The following AP5Z1 variants were observed in gnomAD, a reference collection of about 807,000 sequenced individuals.
AP5Z1 encodes AP-5 complex subunit zeta-1.
In AP5Z1, 106 loss-of-function variants were observed where a neutral mutation model predicts 83.0. The ratio of observed to expected loss-of-function variants is 1.28; its 90% CI spans 1.09 to 1.50. The LOEUF (loss-of-function observed/expected upper bound fraction) is 1.50. Among genes scored for constraint, AP5Z1 ranks in the 40% most tolerant of loss-of-function variants. The pLI is 0.00. For missense variants in AP5Z1, 1,565 were observed against 1,094.2 expected (o/e 1.43, Z -6.07); for synonymous variants, 751 against 514.1 (o/e 1.46, Z -6.23).
intron 1 of AP5Z1, among the ~76,000 whole-genome samples, chr7:4,777,632 G>T (rs374291806): frequency 1.3e-5 from 2 of 152,058 alleles, no homozygotes; most frequent in Non-Finnish European, 2.9e-5. Flanking sequence ...CAGGTGATCC[G>T]CCTGACTCGG....
At chr7:4,785,377 C>G (rs1355693892) in intron 7 of AP5Z1, 38 bp from the exon 8 acceptor site, 2 of 1,608,184 alleles carry the variant, frequency 1.2e-6, no homozygotes, top group Middle Eastern at 1.7e-4. Context: ...CACTCTAAGG[C>G]TGAGACAGAG....
At chr7:4,790,630 C>T (rs1430155055) in intron 15 of AP5Z1, 39 bp downstream of exon 15, 1 of 1,612,372 alleles carries the variant, frequency 6.2e-7, no homozygotes, top group East Asian at 2.2e-5. Context: ...GCTCCTGACC[C>T]AGGAGGCCTG....
rs1449470607 is a variant in AP5Z1 at position 4,790,040 on chromosome 7, C to T, written c.1805+111C>T. On this transcript the variant is annotated intron_variant, in intron 14 of 16. Transcript: ENST00000649063. Reference sequence around the variant, plus strand: ...GGCTTCGGCACCACCCCTAGCTGGGCCCTCAGCAGCCTCAGACCCTGCCAC... The same window carrying T: ...GGCTTCGGCACCACCCCTAGCTGGGTCCTCAGCAGCCTCAGACCCTGCCAC... The T allele has an allele frequency of 6.3e-6, 7 of 1,113,634 alleles. No homozygotes were observed. The South Asian group carries it at 9.8e-5, about 16-fold the overall frequency. The allele number at this position is 1,113,634 out of a possible 1,614,324, so 69.0% of individuals were successfully genotyped here.
Position 4,785,470 on chromosome 7 carries a change from A to AGGGGATGGGAGGC in AP5Z1, c.969+19_969+31dup, listed in dbSNP as rs1562408174. On this transcript the variant is annotated intron_variant, in intron 8 of 16. Coordinates refer to ENST00000649063, the MANE Select transcript of AP5Z1 (RefSeq NM_014855.3). ...AGAAAGCTGTAAGTGGCTGGGGACC[A>AGGGGATGGGAGGC]GGGGATGGGAGGCAGCGACTCGGCC... is the stretch of plus-strand genomic sequence containing the variant. 1.2e-6 allele frequency: 2 copies of AGGGGATGGGAGGC among 1,612,932 alleles called. No homozygotes were observed. Among genetic ancestry groups the AGGGGATGGGAGGC allele is most frequent in the Non-Finnish European group, 1.7e-6 (2 of 1,179,306 alleles).
chr7:4,787,868 G>T (rs929686857), intron 11 of AP5Z1, 92 bp downstream of exon 11: 2 of 1,408,312 alleles, frequency 1.4e-6, no homozygotes, highest in Non-Finnish European at 1.9e-6. Flanking sequence ...CCCCTACACC[G>T]GGGACCCTCC....
At chr7:4,789,758 C>T (rs1042286423) in intron 13 of AP5Z1, 74 bp from the exon 14 acceptor site, 2 of 1,242,512 alleles carry the variant, frequency 1.6e-6, no homozygotes, top group Admixed American at 4.2e-5. Context: ...CCAGCCCTCA[C>T]CATGGCTTCA....
chr7:4,790,351 A>C, intron 14 of AP5Z1, 108 bp from the exon 15 acceptor site: 2 of 1,569,780 alleles, frequency 1.3e-6, no homozygotes, highest in Non-Finnish European at 1.7e-6. Context: ...AGGGTGCAGC[A>C]TACACCTACC....
At chr7:4,778,813 A>G (rs893788277) in intron 1 of AP5Z1, among the ~76,000 whole-genome samples, 2 of 145,376 alleles carry the variant, frequency 1.4e-5, no homozygotes, top group African/African-American at 5.0e-5. Context: ...GTTATATATT[A>G]TATGTTATAT....
chr7:4,788,977 ATTCCCACAGGCCTCACAAC>A (rs1456735357), intron 13 of AP5Z1, 26 bp downstream of exon 13: 4 of 1,591,872 alleles, frequency 2.5e-6, no homozygotes, highest in Non-Finnish European at 3.4e-6. Context: ...GGGGCCCCCC[ATTCCCACAGGCCTCACAAC>A]TGAGGGGCAG....
chr7:4,787,572 C>G (rs1781588330), intron 10 of AP5Z1, 62 bp from the exon 11 acceptor site: 6 of 1,516,130 alleles, frequency 4.0e-6, no homozygotes, highest in Non-Finnish European at 5.3e-6. Flanking sequence ...TAGCTGGCTC[C>G]TCCCTCTGCC....
chr7:4,779,623 G>A (rs1353301392), intron 1 of AP5Z1, among the ~76,000 whole-genome samples: 1 of 151,486 alleles, frequency 6.6e-6, no homozygotes, highest in African/African-American at 2.4e-5. Flanking sequence ...ACCATGCCCA[G>A]TGAATTTTTT....
In AP5Z1 at chr7:4,788,864, G is replaced by GCAGCC; in HGVS notation, c.1623_1627dup (p.Met543SerfsTer27). The GCAGCC allele has an allele frequency of 1.9e-6, 3 of 1,608,842 alleles. No homozygotes were observed. The highest frequency in any genetic ancestry group is 2.5e-6 in the Non-Finnish European group (3 of 1,178,280). On this transcript the variant is annotated frameshift_variant, in exon 13 of 17. Transcript: ENST00000649063. LOFTEE classifies it high-confidence loss of function. The stretch of plus-strand genomic sequence containing the variant: ...GGTTGGCGCCACTCCACCAGCTGCT[G>GCAGCC]CAGCCCATGGCCGGCTGTGCCCGCG...
At position 4,789,930 on chromosome 7, in the gene AP5Z1, G is replaced by T; in HGVS notation, c.1805+1G>T. 6.5e-7 allele frequency: 1 copy of T among 1,536,946 alleles called. No homozygotes were observed. On this transcript the variant is annotated splice_donor_variant, in intron 14 of 16. Coordinates refer to ENST00000649063, the MANE Select transcript of AP5Z1 (RefSeq NM_014855.3). LOFTEE classifies it high-confidence loss of function. ...CAGGGTACGCTGCCGGTGTGCACAG[G>T]TAGGTCCCTCCTGCGCTCCTGCCAC...
chr7:4,787,721 C>G lies in AP5Z1; in HGVS notation c.1399C>G (p.Leu467Val). ...LVDAGTALEM[L>V]HALLDLPCLT... ...GGACGCTGGCACAGCCCTGGAGATG[C>G]TGCACGCGCTGCTGGACCTGCCCTG... The change falls in exon 11 of 17, where the codon CTG becomes GTG. Residue 467 changes from leucine (L) to valine (V), a missense_variant. Coordinates refer to ENST00000649063, the MANE Select transcript of AP5Z1 (RefSeq NM_014855.3). The G allele has an allele frequency of 6.5e-7, 1 of 1,549,006 alleles. No individual in the cohort carries two copies. Among genetic ancestry groups the G allele is most frequent in the Non-Finnish European group, 8.7e-7 (1 of 1,148,740 alleles).
At chr7:4,787,215 G>A (rs942162400) in intron 10 of AP5Z1, among the ~76,000 whole-genome samples, 2 of 152,100 alleles carry the variant, frequency 1.3e-5, no homozygotes, top group Non-Finnish European at 2.9e-5. Context: ...GATACAGGCT[G>A]GGGGCAGTGG....
At chr7:4,787,827 A>G in intron 11 of AP5Z1, 51 bp downstream of exon 11, 1 of 1,491,764 alleles carries the variant, frequency 6.7e-7, no homozygotes. Context: ...AGCTGGTTCC[A>G]CACACTGGGC....
At chr7:4,788,399 T>C in intron 12 of AP5Z1, 105 bp downstream of exon 12, 1 of 1,351,772 alleles carries the variant, frequency 7.4e-7, no homozygotes, top group East Asian at 2.6e-5. Context: ...CAGGGTGCTT[T>C]GTGTCCCACA....
chr7:4,778,144 G>A (rs1347920156), intron 1 of AP5Z1, among the ~76,000 whole-genome samples: 1 of 152,184 alleles, frequency 6.6e-6, no homozygotes, highest in Non-Finnish European at 1.5e-5. Context: ...AGGATCACTT[G>A]AGCCAAGGAG....
At chr7:4,786,737 C>G (rs1432460618) in intron 10 of AP5Z1, among the ~76,000 whole-genome samples, 1 of 151,892 alleles carries the variant, frequency 6.6e-6, no homozygotes, top group African/African-American at 2.4e-5. Flanking sequence ...CCCGGGAGCC[C>G]TGCCTGGTGC....
Sources: allele counts gnomAD v4.1 joint callset (sites outside exome capture counted in the v4.1 genomes callset), GRCh38; gene constraint gnomAD v4.1.1; transcripts MANE v1.5; gene names NCBI Gene and HGNC (gene_info 2026-07-23, HGNC 2026-07-21).